The following TRAM2 variants were observed in gnomAD, a reference collection of about 807,000 sequenced individuals.
TRAM2 encodes translocation associated membrane protein 2, also known as translocating chain-associated membrane protein 2.
Under a neutral mutation model 51.0 loss-of-function variants are expected in TRAM2, and 12 were observed. That is an observed-to-expected ratio of 0.24 (90% CI 0.15 to 0.38). The LOEUF is 0.38. Ranked by LOEUF, TRAM2 falls within the 10% of genes least tolerant of loss-of-function variation. TRAM2 has a pLI of 1.00. For synonymous variants in TRAM2, 175 were observed against 179.4 expected, an observed-to-expected ratio of 0.98 and a Z score of 0.20; for missense variants, 361 against 462.0, an observed-to-expected ratio of 0.78 and a Z score of 2.00.
intron 1 of TRAM2, among the ~76,000 whole-genome samples, chr6:52,555,638 C>A (rs1352331926): frequency 1.3e-5 from 2 of 152,176 alleles, no homozygotes; most frequent in African/African-American, 4.8e-5. Context: ...TTTTGGACAT[C>A]ATTCTATGAC....
intron 1 of TRAM2, among the ~76,000 whole-genome samples, chr6:52,539,713 C>T (rs941925094): frequency 5.3e-5 from 8 of 152,062 alleles, no homozygotes; most frequent in Non-Finnish European, 1.0e-4. Context: ...TCAAACTGCC[C>T]CAGAACAGAG....
chr6:52,504,859 C>T, intron 9 of TRAM2, 105 bp from the exon 10 acceptor site: 8 of 1,024,162 alleles, frequency 7.8e-6, no homozygotes, highest in Non-Finnish European at 9.9e-6. Flanking sequence ...GTTCCCATGG[C>T]TTATCACGTC....
chr6:52,500,741 TGAGAATGAGGGTTGCTTG>T lies in TRAM2; in HGVS notation c.*2438_*2455del, dbSNP rs1287195906. On this transcript the variant is annotated 3_prime_UTR_variant, in exon 11 of 11. Coordinates refer to ENST00000182527, the MANE Select transcript of TRAM2 (RefSeq NM_012288.4). ...ACAGAGCAATGGAAACCTACAGGCA[TGAGAATGAGGGTTGCTTG>T]ATGGCAAGATTTCAGCTGCTCTGCT... 5 of 152,180 alleles carry T rather than the reference TGAGAATGAGGGTTGCTTG, an allele frequency of 3.3e-5. No individual in the cohort carries two copies. The highest frequency in any genetic ancestry group is 7.3e-5 in the Non-Finnish European group (5 of 68,032). The allele number at this position is 152,180 out of a possible 1,614,324, so 9.4% of individuals were successfully genotyped here.
rs371965755 is a variant in TRAM2, at chr6:52,502,919, G to A, written c.*278C>T. 1.0e-4 allele frequency: 44 copies of A among 433,744 alleles called. No homozygotes were observed. The highest frequency in any genetic ancestry group is 2.7e-4 in the South Asian group (6 of 22,208). 26.9% of individuals were successfully genotyped at this position (433,744 alleles called of 1,614,324 possible). ...AAGGTGCCAGCCATGGGCGCCTGGCGTTCCAGAAAAGCCAGCACAGGACAG... is the reference window on the plus strand; with the variant it reads ...AAGGTGCCAGCCATGGGCGCCTGGCATTCCAGAAAAGCCAGCACAGGACAG... On this transcript the variant is annotated 3_prime_UTR_variant, in exon 11 of 11. Transcript: ENST00000182527.
chr6:52,538,143 T>C (rs879510978), intron 1 of TRAM2, among the ~76,000 whole-genome samples: 2 of 151,984 alleles, frequency 1.3e-5, no homozygotes, highest in Middle Eastern at 3.4e-3. Flanking sequence ...ATCAGAGGAG[T>C]TGGAAGAAAT....
chr6:52,547,698 A>G (rs1490009866), intron 1 of TRAM2, among the ~76,000 whole-genome samples: 1 of 152,218 alleles, frequency 6.6e-6, no homozygotes, highest in Non-Finnish European at 1.5e-5. Context: ...ACAAGGGATG[A>G]CTGTTCTGCA....
chr6:52,530,309 T>A (rs1361612512), intron 2 of TRAM2, among the ~76,000 whole-genome samples: 4 of 152,182 alleles, frequency 2.6e-5, no homozygotes, highest in Non-Finnish European at 5.9e-5. Flanking sequence ...ATAAGATGCA[T>A]CACTGCCACT....
At chr6:52,511,925 TA>T (rs1376676013) in intron 4 of TRAM2, among the ~76,000 whole-genome samples, 3 of 152,134 alleles carry the variant, frequency 2.0e-5, no homozygotes, top group Non-Finnish European at 4.4e-5. Flanking sequence ...GATTGAGGAA[TA>T]AAAGTGGATG....
At chr6:52,521,565 C>T (rs561161443) in intron 2 of TRAM2, among the ~76,000 whole-genome samples, 37 of 151,792 alleles carry the variant, frequency 2.4e-4, no homozygotes, top group African/African-American at 7.2e-4. Flanking sequence ...GGCGTGGTGG[C>T]GGGCACCTGT....
intron 1 of TRAM2, among the ~76,000 whole-genome samples, chr6:52,547,053 G>A (rs890076064): frequency 1.3e-5 from 2 of 152,182 alleles, no homozygotes; most frequent in Non-Finnish European, 2.9e-5. Flanking sequence ...GTGTGTATGG[G>A]TGAGCATGGA....
chr6:52,546,997 C>T (rs1224849802), intron 1 of TRAM2, among the ~76,000 whole-genome samples: 1 of 150,980 alleles, frequency 6.6e-6, no homozygotes, highest in African/African-American at 2.4e-5. Context: ...AACCAGAGGT[C>T]ACTGGTAAAT....
chr6:52,506,908 C>A (rs1040702066), intron 7 of TRAM2, among the ~76,000 whole-genome samples: 3 of 152,212 alleles, frequency 2.0e-5, no homozygotes, highest in African/African-American at 7.2e-5. Flanking sequence ...CAGAAAGTTA[C>A]ACACAGTGAG....
chr6:52,520,524 AT>A (rs1322286896), intron 2 of TRAM2, among the ~76,000 whole-genome samples: 1 of 152,236 alleles, frequency 6.6e-6, no homozygotes, highest in Non-Finnish European at 1.5e-5. Flanking sequence ...ACGCGGATGG[AT>A]TCTCAAGTTC....
intron 1 of TRAM2, among the ~76,000 whole-genome samples, chr6:52,541,803 GT>G (rs56919932): frequency 0.2 from 28,325 of 138,784 alleles, 3,620 homozygotes; most frequent in Non-Finnish European, 0.29. Context: ...AGTTTATTCT[GT>G]TTTTTTTTTT....
At chr6:52,554,519 CAAAAAA>C (rs55641649) in intron 1 of TRAM2, among the ~76,000 whole-genome samples, 3 of 109,068 alleles carry the variant, frequency 2.8e-5, no homozygotes, top group African/African-American at 3.5e-5. Context: ...GACCCCATCT[CAAAAAA>C]AAAAAAAAAA....
rs1017000648 is a variant in TRAM2 at position 52,500,206 on chromosome 6, A to G, written c.*2991T>C. On this transcript the variant is annotated 3_prime_UTR_variant, in exon 11 of 11. Coordinates refer to ENST00000182527, the MANE Select transcript of TRAM2 (RefSeq NM_012288.4). ...GCTCTCAAGCTTGGAGGTGTCTGGC[A>G]GAGCCTTCACAAATGGCTTGGCACT... is the stretch of plus-strand genomic sequence containing the variant. 2 of 152,238 alleles carry G rather than the reference A, an allele frequency of 1.3e-5. No individual in the cohort carries two copies. The highest frequency in any genetic ancestry group is 2.9e-5 in the Non-Finnish European group (2 of 68,072). The allele number at this position is 152,238 out of a possible 1,614,324, so 9.4% of individuals were successfully genotyped here.
rs1340696563 is a variant in TRAM2, at chr6:52,516,909, A to G, written c.185-172T>C. ...AGAATCCTGCCCACCCTCTGGTCTT[A>G]GCACTTGGAAGCACCAATGGAGATG... On this transcript the variant is annotated intron_variant, in intron 2 of 10. Coordinates refer to ENST00000182527, the MANE Select transcript of TRAM2 (RefSeq NM_012288.4). 1.2e-5 allele frequency: 7 copies of G among 606,088 alleles called. No homozygotes were observed. In the East Asian group the frequency reaches 2.0e-4, roughly 17 times the overall value. The allele number at this position is 606,088 out of a possible 1,614,324, so 37.5% of individuals were successfully genotyped here. A position where few individuals can be genotyped will look rare whatever the true frequency, so the allele number is the denominator to read the frequency against.
chr6:52,544,043 A>G (rs1767151979), intron 1 of TRAM2, among the ~76,000 whole-genome samples: 2 of 152,138 alleles, frequency 1.3e-5, no homozygotes, highest in African/African-American at 4.8e-5. Flanking sequence ...TGACCCCCAC[A>G]TTTTGACTGA....
At chr6:52,535,055 CCAGT>C (rs142249079) in intron 2 of TRAM2, among the ~76,000 whole-genome samples, 12,282 of 152,230 alleles carry the variant, frequency 0.081, 714 homozygotes, top group Non-Finnish European at 0.12. Flanking sequence ...TTACCCCAAC[CCAGT>C]CAGAGTGCAG....
Sources: allele counts gnomAD v4.1 joint callset (sites outside exome capture counted in the v4.1 genomes callset), GRCh38; gene constraint gnomAD v4.1.1; transcripts MANE v1.5; gene names NCBI Gene and HGNC (gene_info 2026-07-23, HGNC 2026-07-21).